Variants in GPR39 observed in about 807,000 individuals in gnomAD.
GPR39 encodes the protein G protein-coupled receptor 39, also known as zinc sensing receptor.
In GPR39, 23 loss-of-function variants were observed where a neutral mutation model predicts 18.4. The observed-to-expected ratio is 1.25, with a 90% CI of 0.90 to 1.77. GPR39 has a LOEUF of 1.77. Ranked by LOEUF, GPR39 falls within the 40% of genes most tolerant of loss-of-function variation. The probability of loss-of-function intolerance (pLI) is 0.00; values close to 1 mark genes in which losing one functional copy is unlikely to be tolerated. For synonymous variants in GPR39, 280 were observed against 257.9 expected (o/e 1.09, Z -0.82); for missense variants, 647 against 602.4 (o/e 1.07, Z -0.78).
At position 132,443,133 on chromosome 2, in the gene GPR39, A is replaced by T. The variant is rs929835437; in HGVS notation, c.856+25235A>T. ...TTTATTACAAATGTTCAAATTTTAT[A>T]CATTGAATACAATCACATTTTATTT... On this transcript the variant is annotated intron_variant, in intron 1 of 1. Transcript: ENST00000329321. Among the ~76,000 whole-genome samples the T allele has an allele frequency of 5.3e-4, 80 of 152,236 alleles. 1 individual carries two copies. The highest frequency in any genetic ancestry group is 1.9e-3 in the African/African-American group (77 of 41,462).
rs923753750 is a variant in GPR39 at position 132,489,715 on chromosome 2, C to G, written c.856+71817C>G. On this transcript the variant is annotated intron_variant, in intron 1 of 1. Transcript: ENST00000329321. ...CAAACCTTTATTCTAATTCTTTTTA[C>G]ATATTTTCCTTTTATATATGCACTG... Among the ~76,000 whole-genome samples, 7 of 151,994 alleles carry G rather than the reference C, an allele frequency of 4.6e-5. 1 individual carries two copies. Among genetic ancestry groups the G allele is most frequent in the Admixed American group, 4.6e-4 (7 of 15,268 alleles).
At chr2:132,475,536 G>T (rs1421816203) in intron 1 of GPR39, among the ~76,000 whole-genome samples, 1 of 152,008 alleles carries the variant, frequency 6.6e-6, no homozygotes, top group Non-Finnish European at 1.5e-5. Flanking sequence ...TCTTTGGCTG[G>T]CCCAGAGGGT....
chr2:132,493,517 T>TACACC (rs1418450611), intron 1 of GPR39, among the ~76,000 whole-genome samples: 65 of 143,022 alleles, frequency 4.5e-4, no homozygotes, highest in East Asian at 3.2e-3. Flanking sequence ...TATATATATA[T>TACACC]ATATATATAT....
intron 1 of GPR39, among the ~76,000 whole-genome samples, chr2:132,458,182 T>G (rs1680767064): frequency 6.6e-6 from 1 of 152,152 alleles, no homozygotes; most frequent in African/African-American, 2.4e-5. Context: ...GTACCTCAGT[T>G]GGAAGTGCAG....
At chr2:132,521,506 G>C (rs1399192780) in intron 1 of GPR39, among the ~76,000 whole-genome samples, 1 of 152,154 alleles carries the variant, frequency 6.6e-6, no homozygotes, top group South Asian at 2.1e-4. Context: ...TTTCACCTCT[G>C]ACTCACACCA....
At chr2:132,452,157 ATT>A (rs1336814593) in intron 1 of GPR39, among the ~76,000 whole-genome samples, 1 of 151,970 alleles carries the variant, frequency 6.6e-6, no homozygotes, top group Non-Finnish European at 1.5e-5. Context: ...GGCCAATCTC[ATT>A]TTTCCCCATC....
intron 1 of GPR39, among the ~76,000 whole-genome samples, chr2:132,431,693 A>G (rs916578084): frequency 7.9e-5 from 12 of 152,150 alleles, no homozygotes; most frequent in Non-Finnish European, 1.5e-4. Context: ...AGCTGTGTGC[A>G]TTGAGAATAT....
chr2:132,475,295 A>C (rs1349653276), intron 1 of GPR39, among the ~76,000 whole-genome samples: 1 of 149,998 alleles, frequency 6.7e-6, no homozygotes, highest in East Asian at 1.9e-4. Flanking sequence ...TCTACAGTTC[A>C]TCTAGTATAT....
chr2:132,608,606 G>A (rs1447412115), intron 1 of GPR39, among the ~76,000 whole-genome samples: 1 of 152,204 alleles, frequency 6.6e-6, no homozygotes, highest in Non-Finnish European at 1.5e-5. Context: ...AGGTACAGAT[G>A]CCGCTGCTTC....
At chr2:132,612,831 C>T (rs565061651) in intron 1 of GPR39, among the ~76,000 whole-genome samples, 16 of 152,230 alleles carry the variant, frequency 1.1e-4, no homozygotes, top group Admixed American at 6.5e-4. Context: ...ATTTTAGAAT[C>T]GGAGTGTAAA....
chr2:132,472,904 G>C (rs1681058932), intron 1 of GPR39, among the ~76,000 whole-genome samples: 2 of 152,046 alleles, frequency 1.3e-5, no homozygotes, highest in South Asian at 4.2e-4. Flanking sequence ...AGAGGACGTG[G>C]CCTTGATTAA....
At chr2:132,497,386 G>A (rs1318914415) in intron 1 of GPR39, among the ~76,000 whole-genome samples, 3 of 149,390 alleles carry the variant, frequency 2.0e-5, no homozygotes, top group Admixed American at 6.6e-5. Context: ...GGAAGAGTGG[G>A]TTCTGGGTGG....
In GPR39 at chr2:132,600,430, T is replaced by C. The variant is rs549554685; in HGVS notation, c.857-44671T>C. On this transcript the variant is annotated intron_variant, in intron 1 of 1. Coordinates refer to ENST00000329321, the MANE Select transcript of GPR39 (RefSeq NM_001508.3). ...GAACTAAACAAAATAGAGGAAAAAA[T>C]ACAAACAATGAATGAAACATTTTTT... 1.7e-4 allele frequency among the ~76,000 whole-genome samples: 26 copies of C among 151,536 alleles called. No individual in the cohort carries two copies. The South Asian group carries it at 3.8e-3, about 22-fold the overall frequency.
chr2:132,565,550 C>A (rs994352305), intron 1 of GPR39, among the ~76,000 whole-genome samples: 4 of 115,562 alleles, frequency 3.5e-5, no homozygotes, highest in African/African-American at 1.3e-4. Context: ...TCCCTCCCCC[C>A]TCCCCCCACC....
chr2:132,617,570 C>A (rs1681359713), intron 1 of GPR39, among the ~76,000 whole-genome samples: 1 of 151,868 alleles, frequency 6.6e-6, no homozygotes, highest in Non-Finnish European at 1.5e-5. Context: ...GTCTATTTTT[C>A]TTTGGGACTG....
At chr2:132,475,135 T>C (rs1681102951) in intron 1 of GPR39, among the ~76,000 whole-genome samples, 1 of 152,100 alleles carries the variant, frequency 6.6e-6, no homozygotes, top group Non-Finnish European at 1.5e-5. Flanking sequence ...GGTATCCTTA[T>C]CAGCTAATTG....
intron 1 of GPR39, among the ~76,000 whole-genome samples, chr2:132,490,586 G>A (rs1375705490): frequency 2.0e-5 from 3 of 152,032 alleles, no homozygotes; most frequent in South Asian, 2.1e-4. Flanking sequence ...AGAGCATGCC[G>A]ATCGCTGGTG....
At chr2:132,509,354 TATAACCCAAGG>T (rs1413727033) in intron 1 of GPR39, among the ~76,000 whole-genome samples, 1 of 152,164 alleles carries the variant, frequency 6.6e-6, no homozygotes. Context: ...CTGCTTATTC[TATAACCCAAGG>T]ATAACCACTT....
At chr2:132,459,547 T>C (rs1680794631) in intron 1 of GPR39, among the ~76,000 whole-genome samples, 1 of 152,204 alleles carries the variant, frequency 6.6e-6, no homozygotes, top group Admixed American at 6.5e-5. Flanking sequence ...TATGTGTATA[T>C]TCCTTTTTGT....
Sources: gnomAD v4.1 joint callset for allele counts (sites outside exome capture counted in the v4.1 genomes callset) on GRCh38, gnomAD v4.1.1 for gene constraint, MANE v1.5 for transcripts, NCBI Gene and HGNC (gene_info 2026-07-23, HGNC 2026-07-21) for gene names.